The following SNX29 variants were observed in gnomAD, a reference collection of about 807,000 sequenced individuals.
SNX29 encodes sorting nexin-29.
SNX29 carries 78 observed loss-of-function variants against 102.1 expected under a neutral mutation model. The observed-to-expected ratio is 0.76, with a 90% CI of 0.64 to 0.92. The LOEUF is 0.92. Ranked by LOEUF, SNX29 falls within the 40% of genes least tolerant of loss-of-function variation. The probability of loss-of-function intolerance (pLI) is 0.00; values close to 1 mark genes in which losing one functional copy is unlikely to be tolerated. For synonymous variants in SNX29, 580 were observed against 414.5 expected (o/e 1.40, Z -4.85); for missense variants, 1,280 against 1,061.7 (o/e 1.21, Z -2.86).
chr16:12,426,457 C>G (rs896096450), intron 18 of SNX29, among the ~76,000 whole-genome samples: 2 of 152,202 alleles, frequency 1.3e-5, no homozygotes, highest in African/African-American at 4.8e-5. Context: ...AAGTATAATC[C>G]TCTCACAGGG....
At chr16:12,377,917 T>C (rs2082937035) in intron 16 of SNX29, among the ~76,000 whole-genome samples, 1 of 152,270 alleles carries the variant, frequency 6.6e-6, no homozygotes, top group Non-Finnish European at 1.5e-5. Flanking sequence ...GGGTTTTCAT[T>C]TTCAGGCCTT....
chr16:12,540,783 G>C (rs906830603), intron 20 of SNX29, among the ~76,000 whole-genome samples: 5 of 152,334 alleles, frequency 3.3e-5, no homozygotes, highest in South Asian at 2.1e-4. Flanking sequence ...AGTGTCAGGT[G>C]CTTGAGGACT....
At chr16:12,561,023 G>A (rs554478659) in intron 20 of SNX29, 1 of 220,682 alleles carries the variant, frequency 4.5e-6, no homozygotes, top group African/African-American at 2.2e-5. Flanking sequence ...GATGGTGGAA[G>A]TCTTGGAGAC....
At chr16:12,272,554 G>C (rs1325436619) in intron 14 of SNX29, among the ~76,000 whole-genome samples, 2 of 152,218 alleles carry the variant, frequency 1.3e-5, no homozygotes, top group African/African-American at 4.8e-5. Flanking sequence ...ACTTTTCTAA[G>C]TCCCATGGCT....
chr16:12,372,246 C>T (rs1409138793), intron 16 of SNX29, among the ~76,000 whole-genome samples: 1 of 152,184 alleles, frequency 6.6e-6, no homozygotes, highest in African/African-American at 2.4e-5. Flanking sequence ...GAATATATGT[C>T]GACTTCCTCC....
At chr16:12,540,618 C>G (rs1044268036) in intron 20 of SNX29, among the ~76,000 whole-genome samples, 1 of 152,174 alleles carries the variant, frequency 6.6e-6, no homozygotes, top group Non-Finnish European at 1.5e-5. Context: ...TGGGGTGGAC[C>G]TAAAGAGTCC....
Position 12,525,564 on chromosome 16 carries a change from C to T in SNX29, c.2318+723C>T, listed in dbSNP as rs1270198179. Among the ~76,000 whole-genome samples the T allele has an allele frequency of 7.3e-5, 11 of 151,724 alleles. 1 individual carries two copies. The highest frequency in any genetic ancestry group is 5.9e-5 in the Non-Finnish European group (4 of 67,932). On this transcript the variant is annotated intron_variant, in intron 20 of 20. Coordinates refer to ENST00000566228, the MANE Select transcript of SNX29 (RefSeq NM_032167.5). Reference sequence around the variant, plus strand: ...AAAATTAGCTGGGCATGGTGGCAGGCGCCTGTAGTCCCAGCTACTTGGGAG... The same window carrying T: ...AAAATTAGCTGGGCATGGTGGCAGGTGCCTGTAGTCCCAGCTACTTGGGAG...
chr16:12,545,481 C>G (rs890734605), intron 20 of SNX29: 7 of 152,274 alleles, frequency 4.6e-5, no homozygotes, highest in African/African-American at 1.4e-4. Context: ...TGACTCTCCT[C>G]CTGCAACTGT....
chr16:12,116,718 G>T (rs2141303348), intron 11 of SNX29, among the ~76,000 whole-genome samples: 1 of 152,284 alleles, frequency 6.6e-6, no homozygotes, highest in Non-Finnish European at 1.5e-5. Flanking sequence ...CAACGTGGAT[G>T]AACTGTGGAA....
At position 12,572,492 on chromosome 16, in the gene SNX29, A is replaced by T. The variant is rs927817170; in HGVS notation, c.*3863A>T. 1.9e-6 allele frequency: 2 copies of T among 1,063,528 alleles called. No homozygotes were observed. Among genetic ancestry groups the T allele is most frequent in the African/African-American group, 3.3e-5 (2 of 60,944 alleles). The allele number at this position is 1,063,528 out of a possible 1,614,324, so 65.9% of individuals were successfully genotyped here. A position where few individuals can be genotyped will look rare whatever the true frequency, so the allele number is the denominator to read the frequency against. ...CCTGAGGACCAGTTCTTGGGGTTCC[A>T]GGCCTCGGCCTTCCTGCTCCACGTG... is the stretch of plus-strand genomic sequence containing the variant. On this transcript the variant is annotated 3_prime_UTR_variant, in exon 21 of 21. Transcript: ENST00000566228.
intron 16 of SNX29, among the ~76,000 whole-genome samples, chr16:12,379,938 G>T (rs2083012205): frequency 6.6e-6 from 1 of 152,116 alleles, no homozygotes; most frequent in Non-Finnish European, 1.5e-5. Context: ...TTTCTGGAAG[G>T]TACTTTTTTG....
chr16:12,545,614 A>G (rs1451647669), intron 20 of SNX29: 1 of 152,208 alleles, frequency 6.6e-6, no homozygotes, highest in Non-Finnish European at 1.5e-5. Context: ...ACAGAAAGCA[A>G]GGGTCTGGCT....
At chr16:12,089,673 G>A (rs2052405662) in intron 11 of SNX29, 2 of 189,836 alleles carry the variant, frequency 1.1e-5, no homozygotes, top group South Asian at 1.2e-4. Context: ...AGAGTGAGTT[G>A]GAGGATGCTG....
At chr16:12,452,963 C>T (rs946209974) in intron 18 of SNX29, among the ~76,000 whole-genome samples, 20 of 152,256 alleles carry the variant, frequency 1.3e-4, no homozygotes, top group African/African-American at 4.3e-4. Context: ...AGGTGGACTT[C>T]GTCTTGGCTA....
intron 14 of SNX29, among the ~76,000 whole-genome samples, chr16:12,210,657 T>A (rs1390609388): frequency 2.0e-5 from 3 of 152,084 alleles, no homozygotes; most frequent in Non-Finnish European, 1.5e-5. Flanking sequence ...TCTTCTTTTT[T>A]CCAGCTGCAT....
At position 12,568,778 on chromosome 16, in the gene SNX29, G is replaced by T. The variant is rs536753341; in HGVS notation, c.*149G>T. ...ATTCCCAACAGTTACACAACACCCC[G>T]ATTAAACTAATCAGTCTTCGAGCCG... On this transcript the variant is annotated 3_prime_UTR_variant, in exon 21 of 21. Transcript: ENST00000566228. 19 of 1,230,514 alleles carry T rather than the reference G, an allele frequency of 1.5e-5. No individual in the cohort carries two copies. The highest frequency in any genetic ancestry group is 1.8e-5 in the Non-Finnish European group (16 of 906,984). 76.2% of individuals were successfully genotyped at this position (1,230,514 alleles called of 1,614,324 possible).
chr16:12,246,175 G>A (rs572358156), intron 14 of SNX29, among the ~76,000 whole-genome samples: 1 of 152,214 alleles, frequency 6.6e-6, no homozygotes, highest in East Asian at 1.9e-4. Context: ...TGTAATTGAG[G>A]CTGATGTATA....
chr16:12,311,057 A>G (rs1181796523), intron 15 of SNX29, among the ~76,000 whole-genome samples: 1 of 152,204 alleles, frequency 6.6e-6, no homozygotes, highest in African/African-American at 2.4e-5. Flanking sequence ...AAGACAGTGA[A>G]TAAGGTTTCT....
chr16:12,411,073 G>T (rs1390507822), intron 18 of SNX29, among the ~76,000 whole-genome samples: 1 of 152,226 alleles, frequency 6.6e-6, no homozygotes, highest in Non-Finnish European at 1.5e-5. Flanking sequence ...AATGGGAACT[G>T]CAGCTGCAGT....
Sources: allele counts gnomAD v4.1 joint callset (sites outside exome capture counted in the v4.1 genomes callset), GRCh38; gene constraint gnomAD v4.1.1; transcripts MANE v1.5; gene names NCBI Gene and HGNC (gene_info 2026-07-23, HGNC 2026-07-21).